Variants in SLCO4C1 observed in about 807,000 individuals in gnomAD.
SLCO4C1 encodes the protein organic anion transporter M1.
Under a neutral mutation model 72.1 loss-of-function variants are expected in SLCO4C1, and 58 were observed. The observed-to-expected ratio is 0.80, with a 90% CI of 0.65 to 1.00. The LOEUF is 1.00. Ranked by LOEUF, SLCO4C1 falls within the 50% of genes least tolerant of loss-of-function variation. The pLI is 0.00. For synonymous variants in SLCO4C1, 297 were observed against 312.5 expected (o/e 0.95, Z 0.52); for missense variants, 898 against 857.9 (o/e 1.05, Z -0.58).
intron 10 of SLCO4C1, among the ~76,000 whole-genome samples, chr5:102,241,480 G>A (rs184432557): frequency 1.3e-5 from 2 of 151,118 alleles, no homozygotes; most frequent in Non-Finnish European, 2.9e-5. Flanking sequence ...AAGAAATCAA[G>A]TAAACAACAA....
At chr5:102,276,121 C>A (rs1749242338) in intron 2 of SLCO4C1, among the ~76,000 whole-genome samples, 1 of 152,068 alleles carries the variant, frequency 6.6e-6, no homozygotes, top group Non-Finnish European at 1.5e-5. Context: ...GAGAAAAGTG[C>A]CAGATTGACA....
Position 102,260,205 on chromosome 5 carries a change from T to C in SLCO4C1, c.1128+8A>G. 1 of 1,200,550 alleles carries C rather than the reference T, an allele frequency of 8.3e-7. No homozygotes were observed. Among genetic ancestry groups the C allele is most frequent in the Non-Finnish European group, 1.1e-6 (1 of 900,818 alleles). 74.4% of individuals were successfully genotyped at this position (1,200,550 alleles called of 1,614,324 possible). ...CTGAGAGAGAGACAGAGAAGAATTT[T>C]ATTTTACCTTTAGAGCAGCTGGAAA... is the stretch of plus-strand genomic sequence containing the variant. On this transcript the variant is annotated splice_region_variant and intron_variant, in intron 6 of 12. Transcript: ENST00000310954.
At chr5:102,281,965 G>C (rs1056153019) in intron 2 of SLCO4C1, among the ~76,000 whole-genome samples, 1 of 152,046 alleles carries the variant, frequency 6.6e-6, no homozygotes, top group African/African-American at 2.4e-5. Flanking sequence ...AATGTTTGTA[G>C]CTTTATTTGT....
intron 2 of SLCO4C1, among the ~76,000 whole-genome samples, chr5:102,272,183 A>G (rs1160700965): frequency 6.6e-6 from 1 of 152,180 alleles, no homozygotes; most frequent in Non-Finnish European, 1.5e-5. Context: ...GAGATCCAGC[A>G]TTCTATTGCA....
chr5:102,279,763 C>CA (rs1749318508), intron 2 of SLCO4C1, among the ~76,000 whole-genome samples: 1 of 151,276 alleles, frequency 6.6e-6, no homozygotes, highest in Middle Eastern at 3.2e-3. Context: ...AGGCTGGCAT[C>CA]AAAAAAATCA....
At position 102,289,548 on chromosome 5, in the gene SLCO4C1, A is replaced by C. The variant is rs78460015; in HGVS notation, c.619+1795T>G. 5.8e-3 allele frequency among the ~76,000 whole-genome samples: 878 copies of C among 152,338 alleles called. 7 individuals carry two copies. The highest frequency in any genetic ancestry group is 0.02 in the African/African-American group (811 of 41,566). On this transcript the variant is annotated intron_variant, in intron 2 of 12. Coordinates refer to ENST00000310954, the MANE Select transcript of SLCO4C1 (RefSeq NM_180991.5). ...ACCTAAATGCTATGAACAAATAACT[A>C]TCATAGAATCAGTATTATGTTTTCT...
At chr5:102,238,050 TA>T (rs1485449131) in intron 12 of SLCO4C1, among the ~76,000 whole-genome samples, 1 of 152,188 alleles carries the variant, frequency 6.6e-6, no homozygotes, top group Non-Finnish European at 1.5e-5. Context: ...ATATTTTGTT[TA>T]AAAACATGTA....
At chr5:102,240,873 C>A in intron 10 of SLCO4C1, 91 bp from the exon 11 acceptor site, 1 of 866,284 alleles carries the variant, frequency 1.2e-6, no homozygotes, top group Non-Finnish European at 1.8e-6. Context: ...TTTAGCATTC[C>A]TATATTAAAG....
chr5:102,263,567 T>C, intron 4 of SLCO4C1, 117 bp downstream of exon 4: 1 of 737,030 alleles, frequency 1.4e-6, no homozygotes, highest in Non-Finnish European at 2.2e-6. Context: ...CAATTTTGTT[T>C]CCTGAATAAT....
At chr5:102,263,155 A>G (rs892418594) in intron 4 of SLCO4C1, among the ~76,000 whole-genome samples, 2 of 152,218 alleles carry the variant, frequency 1.3e-5, no homozygotes, top group African/African-American at 4.8e-5. Flanking sequence ...AAGATAGCAC[A>G]TAAAATAAGT....
Position 102,236,540 on chromosome 5 carries a change from A to G in SLCO4C1, c.*318T>C, listed in dbSNP as rs921574852. 10 of 172,192 alleles carry G rather than the reference A, an allele frequency of 5.8e-5. No homozygotes were observed. The highest frequency in any genetic ancestry group is 4.4e-4 in the Admixed American group (7 of 15,734). The allele number at this position is 172,192 out of a possible 1,614,324, so 10.7% of individuals were successfully genotyped here. ...TTTCTTGTTATTGCTTGAGGATTTC[A>G]TACCTAGACAATGGGAATAGGAAAT... On this transcript the variant is annotated 3_prime_UTR_variant, in exon 13 of 13. Coordinates refer to ENST00000310954, the MANE Select transcript of SLCO4C1 (RefSeq NM_180991.5).
chr5:102,240,783 C>T lies in SLCO4C1; in HGVS notation c.1812-1G>A. 1 of 1,608,880 alleles carries T rather than the reference C, an allele frequency of 6.2e-7. No homozygotes were observed. The highest frequency in any genetic ancestry group is 8.5e-7 in the Non-Finnish European group (1 of 1,176,474). ...GGACCGTTGTCTGTGATTAACACAC[C>T]TGGAAATATTAAATATATATGAGAC... On this transcript the variant is annotated splice_acceptor_variant, in intron 10 of 12. Transcript: ENST00000310954. LOFTEE classifies it high-confidence loss of function.
rs1748427080 is a variant in SLCO4C1, at chr5:102,236,021, T to C, written c.*837A>G. 1 of 152,204 alleles carries C rather than the reference T, an allele frequency of 6.6e-6. No individual in the cohort carries two copies. The highest frequency in any genetic ancestry group is 1.5e-5 in the Non-Finnish European group (1 of 68,040). The allele number at this position is 152,204 out of a possible 1,614,324, so 9.4% of individuals were successfully genotyped here. ...GGAAAAATTAAAGGTATATAAGTAT[T>C]GATCAATAGTTTCATGTTTAGTTGG... On this transcript the variant is annotated 3_prime_UTR_variant, in exon 13 of 13. Coordinates refer to ENST00000310954, the MANE Select transcript of SLCO4C1 (RefSeq NM_180991.5).
chr5:102,250,501 T>C (rs1372035893), intron 8 of SLCO4C1, among the ~76,000 whole-genome samples: 3 of 152,142 alleles, frequency 2.0e-5, no homozygotes, highest in African/African-American at 7.2e-5. Context: ...CAAAGCCGAA[T>C]AAGACAGTCT....
At chr5:102,248,077 T>C (rs1465761988) in intron 9 of SLCO4C1, among the ~76,000 whole-genome samples, 3 of 151,298 alleles carry the variant, frequency 2.0e-5, no homozygotes, top group African/African-American at 4.9e-5. Context: ...TTTAAAAATT[T>C]TAAGGAGAGA....
intron 11 of SLCO4C1, among the ~76,000 whole-genome samples, chr5:102,240,160 T>C (rs1039290): frequency 0.26 from 39,260 of 151,914 alleles, 6,337 homozygotes; most frequent in Non-Finnish European, 0.36. Flanking sequence ...TCTGAAAAAA[T>C]TGGCAAGTTG....
chr5:102,271,278 G>A (rs1749148256), intron 2 of SLCO4C1, among the ~76,000 whole-genome samples: 1 of 151,466 alleles, frequency 6.6e-6, no homozygotes, highest in African/African-American at 2.4e-5. Flanking sequence ...TAAATGTCCT[G>A]TAATTTTATT....
Position 102,236,756 on chromosome 5 carries a change from T to G in SLCO4C1, c.*102A>C. On this transcript the variant is annotated 3_prime_UTR_variant, in exon 13 of 13. Transcript: ENST00000310954. ...ATTATAAAAACATCAATTTTGTAAA[T>G]ATGATTGTCCATATTGGATAGATAA... The G allele has an allele frequency of 3.3e-6, 4 of 1,212,142 alleles. No individual in the cohort carries two copies. Among genetic ancestry groups the G allele is most frequent in the Non-Finnish European group, 4.6e-6 (4 of 860,292 alleles). The allele number at this position is 1,212,142 out of a possible 1,614,324, so 75.1% of individuals were successfully genotyped here. A position where few individuals can be genotyped will look rare whatever the true frequency, so the allele number is the denominator to read the frequency against.
chr5:102,254,580 C>A (rs554488462), intron 8 of SLCO4C1, among the ~76,000 whole-genome samples: 42 of 152,244 alleles, frequency 2.8e-4, no homozygotes, highest in Non-Finnish European at 4.0e-4. Flanking sequence ...CTACCCCAAC[C>A]TTTGGCAACC....
Sources: gnomAD v4.1 joint callset for allele counts (sites outside exome capture counted in the v4.1 genomes callset) on GRCh38, gnomAD v4.1.1 for gene constraint, MANE v1.5 for transcripts, NCBI Gene and HGNC (gene_info 2026-07-23, HGNC 2026-07-21) for gene names.